FSTL4: variants seen among roughly 807,000 people sequenced by gnomAD.
FSTL4 encodes follistatin-related protein 4.
In FSTL4, 28 loss-of-function variants were observed where a neutral mutation model predicts 78.2. That is an observed-to-expected ratio of 0.36 (90% CI 0.27 to 0.49). FSTL4 has a LOEUF of 0.49. Ranked by LOEUF, FSTL4 falls within the 20% of genes least tolerant of loss-of-function variation. The pLI is 0.98. For synonymous variants in FSTL4, 422 were observed against 440.5 expected (o/e 0.96, Z 0.53); for missense variants, 922 against 1,084.9 (o/e 0.85, Z 2.11).
At chr5:133,368,408 C>A (rs1359025209) in intron 4 of FSTL4, among the ~76,000 whole-genome samples, 1 of 152,242 alleles carries the variant, frequency 6.6e-6, no homozygotes, top group Non-Finnish European at 1.5e-5. Context: ...GAGTTATGTG[C>A]TTGGAACTCT....
chr5:133,505,137 A>C (rs1758586503), intron 3 of FSTL4, among the ~76,000 whole-genome samples: 1 of 152,248 alleles, frequency 6.6e-6, no homozygotes, highest in African/African-American at 2.4e-5. Context: ...AATAGGCTGG[A>C]TATAAATCAG....
chr5:133,567,112 C>A, intron 3 of FSTL4, 74 bp downstream of exon 3: 1 of 1,044,572 alleles, frequency 9.6e-7, no homozygotes, highest in South Asian at 1.3e-5. Flanking sequence ...GTCTGAAGTT[C>A]ATCTTAGTTT....
At chr5:133,322,758 G>A (rs1402301309) in intron 4 of FSTL4, among the ~76,000 whole-genome samples, 3 of 152,212 alleles carry the variant, frequency 2.0e-5, no homozygotes, top group East Asian at 3.8e-4. Flanking sequence ...CTGAGTCCAC[G>A]CCTGAGACCG....
chr5:133,791,264 ATGCACATGTGCG>A, the FSTL4 span, among the ~76,000 whole-genome samples: 1 of 148,030 alleles, frequency 6.8e-6, no homozygotes, highest in Non-Finnish European at 1.5e-5. Flanking sequence ...TGCAACCTGC[ATGCACATGTGCG>A]TGCACACACA....
chr5:133,746,196 A>G, the FSTL4 span, among the ~76,000 whole-genome samples: 2 of 152,238 alleles, frequency 1.3e-5, no homozygotes, highest in East Asian at 3.8e-4. Context: ...ACCATGTTTC[A>G]AAAGATTTGA....
intron 1 of FSTL4, among the ~76,000 whole-genome samples, chr5:133,609,121 A>G (rs1761036046): frequency 6.6e-6 from 1 of 152,212 alleles, no homozygotes; most frequent in African/African-American, 2.4e-5. Context: ...GATTAGCCAT[A>G]CAGAAATGGC....
chr5:133,732,769 C>T, the FSTL4 span, among the ~76,000 whole-genome samples: 2 of 152,212 alleles, frequency 1.3e-5, no homozygotes, highest in African/African-American at 4.8e-5. Context: ...CAGGCCTGCA[C>T]GGCCCACAGT....
the FSTL4 span, among the ~76,000 whole-genome samples, chr5:133,676,320 C>G: frequency 1.3e-5 from 2 of 152,188 alleles, no homozygotes; most frequent in African/African-American, 2.4e-5. Flanking sequence ...TTTCTGGTTA[C>G]TTTTCAATCC....
the FSTL4 span, among the ~76,000 whole-genome samples, chr5:133,759,692 C>G: frequency 6.6e-6 from 1 of 152,176 alleles, no homozygotes; most frequent in Non-Finnish European, 1.5e-5. Flanking sequence ...GACCAAGGCA[C>G]CCCAGGTGCT....
the FSTL4 span, among the ~76,000 whole-genome samples, chr5:133,728,873 GA>G: frequency 6.6e-6 from 1 of 152,118 alleles, no homozygotes; most frequent in African/African-American, 2.4e-5. Flanking sequence ...AAAAAGAAAA[GA>G]AAAAGAGGAA....
At chr5:133,325,736 C>T (rs1383171855) in intron 4 of FSTL4, among the ~76,000 whole-genome samples, 1 of 152,172 alleles carries the variant, frequency 6.6e-6, no homozygotes, top group African/African-American at 2.4e-5. Context: ...TGGGCTCCAG[C>T]CCCTCTTCAA....
intron 3 of FSTL4, among the ~76,000 whole-genome samples, chr5:133,418,291 A>G (rs577352140): frequency 7.2e-6 from 1 of 138,276 alleles, no homozygotes; most frequent in Admixed American, 8.3e-5. Context: ...GCTATTACAG[A>G]CATCAGAAAT....
chr5:133,202,783 T>C (rs1361976361), intron 14 of FSTL4: 1 of 152,252 alleles, frequency 6.6e-6, no homozygotes, highest in African/African-American at 2.4e-5. Context: ...TTGTACAAAT[T>C]GGTAGTGACA....
At chr5:133,683,943 C>T in the FSTL4 span, among the ~76,000 whole-genome samples, 1 of 152,146 alleles carries the variant, frequency 6.6e-6, no homozygotes, top group Non-Finnish European at 1.5e-5. Flanking sequence ...CTGCTAATTG[C>T]TGCTGCGTGT....
chr5:133,569,558 C>T (rs1244934558), intron 2 of FSTL4, among the ~76,000 whole-genome samples: 3 of 152,186 alleles, frequency 2.0e-5, no homozygotes, highest in Non-Finnish European at 4.4e-5. Context: ...ATCTTTTTCA[C>T]TCTTGCATCA....
the FSTL4 span, among the ~76,000 whole-genome samples, chr5:133,709,339 C>A: frequency 6.6e-6 from 1 of 152,222 alleles, no homozygotes; most frequent in African/African-American, 2.4e-5. Flanking sequence ...TCAGATAAAC[C>A]ACATTCTCTC....
the FSTL4 span, among the ~76,000 whole-genome samples, chr5:133,764,618 C>A: frequency 2.6e-5 from 4 of 152,192 alleles, no homozygotes; most frequent in Admixed American, 2.0e-4. Context: ...CTGGTGGATC[C>A]CTGAAGCCCA....
intron 4 of FSTL4, among the ~76,000 whole-genome samples, chr5:133,328,446 G>A (rs938634001): frequency 3.3e-5 from 5 of 152,184 alleles, no homozygotes; most frequent in African/African-American, 1.2e-4. Flanking sequence ...CTGGGAGAGG[G>A]ATCCACATAT....
intron 6 of FSTL4, among the ~76,000 whole-genome samples, chr5:133,310,465 G>C (rs1210932892): frequency 6.6e-6 from 1 of 152,152 alleles, no homozygotes; most frequent in Non-Finnish European, 1.5e-5. Flanking sequence ...AGCTGGAGAG[G>C]CCTTCTCTTT....
Sources: gnomAD v4.1 joint callset for allele counts (sites outside exome capture counted in the v4.1 genomes callset) on GRCh38, gnomAD v4.1.1 for gene constraint, MANE v1.5 for transcripts, NCBI Gene and HGNC (gene_info 2026-07-23, HGNC 2026-07-21) for gene names.